KCNJ16: variants seen among roughly 807,000 people sequenced by gnomAD.
The protein encoded by KCNJ16 is inward rectifier potassium channel 16.
A neutral mutation model predicts 18.5 loss-of-function variants in KCNJ16; 15 were observed. The ratio of observed to expected loss-of-function variants is 0.81; its 90% CI spans 0.54 to 1.25. The LOEUF (loss-of-function observed/expected upper bound fraction) is 1.25, where lower values mean the gene tolerates loss of function less well. Among genes scored for constraint, KCNJ16 ranks in the 50% most tolerant of loss-of-function variants. KCNJ16 has a pLI of 0.00. For synonymous variants in KCNJ16, 174 were observed against 186.5 expected, an observed-to-expected ratio of 0.93 and a Z score of 0.55; for missense variants, 523 against 525.7, an observed-to-expected ratio of 0.99 and a Z score of 0.05.
Position 70,083,201 on chromosome 17 carries a change from T to TTA in KCNJ16, c.-300+7822_-300+7823dup, listed in dbSNP as rs941921247. 3.4e-5 allele frequency among the ~76,000 whole-genome samples: 5 copies of TTA among 148,332 alleles called. No individual in the cohort carries two copies. The South Asian group carries it at 8.4e-4, about 25-fold the overall frequency. ...TCTCAAGTAGCTGGGATTATATATA[T>TTA]TATATATATATAATATGTAAAGAGA... On this transcript the variant is annotated intron_variant, in intron 1 of 3. Transcript: ENST00000392671.
chr17:70,101,010 G>T (rs187277291), intron 2 of KCNJ16: 93 of 152,324 alleles, frequency 6.1e-4, no homozygotes, highest in Admixed American at 2.5e-3. Context: ...TTTTAGGAAA[G>T]AAATGCTATT....
intron 2 of KCNJ16, among the ~76,000 whole-genome samples, chr17:70,125,611 T>C (rs1039420452): frequency 5.2e-4 from 79 of 151,478 alleles, no homozygotes; most frequent in Non-Finnish European, 8.8e-4. Context: ...GTCCACAGAG[T>C]AAAGTGAAAA....
intron 2 of KCNJ16, chr17:70,101,820 C>T (rs1342398330): frequency 6.6e-6 from 1 of 151,986 alleles, no homozygotes; most frequent in African/African-American, 2.4e-5. Context: ...TCACTGTACA[C>T]CAAGCAATGT....
At chr17:70,086,122 C>A (rs1429002706) in intron 1 of KCNJ16, among the ~76,000 whole-genome samples, 2 of 152,024 alleles carry the variant, frequency 1.3e-5, no homozygotes, top group Admixed American at 6.6e-5. Context: ...TTAATTAATT[C>A]AAGATAATAT....
chr17:70,088,258 A>G (rs995856758), intron 1 of KCNJ16, among the ~76,000 whole-genome samples: 6 of 152,144 alleles, frequency 3.9e-5, no homozygotes, highest in African/African-American at 1.4e-4. Flanking sequence ...GTTCCATCTC[A>G]GATCATCAGG....
intron 1 of KCNJ16, among the ~76,000 whole-genome samples, chr17:70,086,198 A>AT (rs2071789021): frequency 6.6e-6 from 1 of 152,204 alleles, no homozygotes; most frequent in Non-Finnish European, 1.5e-5. Flanking sequence ...TACAATGAGA[A>AT]TTTTTGTGAG....
At chr17:70,123,463 A>G (rs1164272464) in intron 2 of KCNJ16, among the ~76,000 whole-genome samples, 3 of 152,282 alleles carry the variant, frequency 2.0e-5, no homozygotes, top group East Asian at 1.9e-4. Context: ...GCTTGGACAT[A>G]TATCTCTCCC....
intron 1 of KCNJ16, among the ~76,000 whole-genome samples, chr17:70,099,930 C>T (rs1180831083): frequency 6.6e-6 from 1 of 152,192 alleles, no homozygotes; most frequent in Non-Finnish European, 1.5e-5. Flanking sequence ...ATCAATTTCA[C>T]TTCAGCACGG....
intron 2 of KCNJ16, among the ~76,000 whole-genome samples, chr17:70,114,477 G>C (rs1228114376): frequency 6.6e-6 from 1 of 152,116 alleles, no homozygotes; most frequent in Non-Finnish European, 1.5e-5. Flanking sequence ...CATTTGTTTT[G>C]AAATGCACAG....
chr17:70,122,296 C>T lies in KCNJ16; in HGVS notation c.-190-8583C>T, dbSNP rs149517474. On this transcript the variant is annotated intron_variant, in intron 2 of 3. Coordinates refer to ENST00000392671, the MANE Select transcript of KCNJ16 (RefSeq NM_170741.4). ...CACACCATTCTCCTGCCTCAGTCTC[C>T]CAAGTAGCTGGGATTACAGGCACCC... is the stretch of plus-strand genomic sequence containing the variant. Among the ~76,000 whole-genome samples the T allele has an allele frequency of 6.5e-3, 981 of 152,046 alleles. 2 individuals carry two copies. Among genetic ancestry groups the T allele is most frequent in the Middle Eastern group, 0.014 (4 of 294 alleles).
rs2074039998 is a variant in KCNJ16 at position 70,131,115 on chromosome 17, T to C, written c.-94+140T>C. ...AAGGGTTCAATTGTAGCGTGCTCCC[T>C]TTAAGAGGGAAACGAGATTAGCAAC... On this transcript the variant is annotated intron_variant, in intron 3 of 3. Coordinates refer to ENST00000392671, the MANE Select transcript of KCNJ16 (RefSeq NM_170741.4). 3 of 987,904 alleles carry C rather than the reference T, an allele frequency of 3.0e-6. No homozygotes were observed. In the Admixed American group the frequency reaches 6.6e-5, roughly 22 times the overall value. 61.2% of individuals were successfully genotyped at this position (987,904 alleles called of 1,614,324 possible).
intron 2 of KCNJ16, among the ~76,000 whole-genome samples, chr17:70,124,895 T>G (rs952638206): frequency 6.8e-6 from 1 of 146,904 alleles, no homozygotes; most frequent in Non-Finnish European, 1.5e-5. Flanking sequence ...GATGGGTGTG[T>G]GTTTGTGTGT....
intron 2 of KCNJ16, among the ~76,000 whole-genome samples, chr17:70,116,053 G>A (rs1001919334): frequency 6.6e-6 from 1 of 152,050 alleles, no homozygotes; most frequent in African/African-American, 2.4e-5. Context: ...AGTCATGCAT[G>A]TTTACTGTTA....
At chr17:70,091,173 T>G (rs111992729) in intron 1 of KCNJ16, among the ~76,000 whole-genome samples, 5,585 of 152,176 alleles carry the variant, frequency 0.037, 96 homozygotes, top group Middle Eastern at 0.068. Flanking sequence ...CAATCATGAG[T>G]AGGTCCTCCT....
chr17:70,118,205 A>G (rs1222826484), intron 2 of KCNJ16, among the ~76,000 whole-genome samples: 1 of 141,442 alleles, frequency 7.1e-6, no homozygotes, highest in East Asian at 2.0e-4. Flanking sequence ...TGTTTTAAAG[A>G]AAACAATAAC....
At chr17:70,080,343 G>A (rs1189959004) in intron 1 of KCNJ16, among the ~76,000 whole-genome samples, 1 of 152,088 alleles carries the variant, frequency 6.6e-6, no homozygotes, top group African/African-American at 2.4e-5. Context: ...CAATTTGGAC[G>A]GGGAGTAAAA....
At chr17:70,124,434 C>A (rs1056807369) in intron 2 of KCNJ16, among the ~76,000 whole-genome samples, 1 of 151,994 alleles carries the variant, frequency 6.6e-6, no homozygotes, top group African/African-American at 2.4e-5. Flanking sequence ...TAAAAAAAAA[C>A]TGAATGAAAA....
At chr17:70,122,316 G>A (rs2073674289) in intron 2 of KCNJ16, among the ~76,000 whole-genome samples, 1 of 151,170 alleles carries the variant, frequency 6.6e-6, no homozygotes, top group African/African-American at 2.5e-5. Flanking sequence ...GGGATTACAG[G>A]CACCCGCCAC....
At chr17:70,078,048 A>G (rs574243385) in intron 1 of KCNJ16, among the ~76,000 whole-genome samples, 3 of 152,304 alleles carry the variant, frequency 2.0e-5, no homozygotes, top group Non-Finnish European at 1.5e-5. Flanking sequence ...ACTCTGTTAA[A>G]CACAAGGGGT....
Sources: allele counts gnomAD v4.1 joint callset (sites outside exome capture counted in the v4.1 genomes callset), GRCh38; gene constraint gnomAD v4.1.1; transcripts MANE v1.5; gene names NCBI Gene and HGNC (gene_info 2026-07-23, HGNC 2026-07-21).